The following SMARCA1 variants were observed in gnomAD, a reference collection of about 807,000 sequenced individuals.
The protein encoded by SMARCA1 is SWI/SNF-related matrix-associated actin-dependent regulator of chromatin subfamily A member 1.
In SMARCA1, 17 loss-of-function variants were observed where a neutral mutation model predicts 93.6. That is an observed-to-expected ratio of 0.18 (90% confidence interval 0.12 to 0.27). SMARCA1 has a LOEUF of 0.27. Ranked by LOEUF, SMARCA1 falls within the 10% of genes least tolerant of loss-of-function variation. The probability of loss-of-function intolerance (pLI) is 1.00; values close to 1 mark genes in which losing one functional copy is unlikely to be tolerated. For synonymous variants in SMARCA1, 271 were observed against 271.4 expected, an observed-to-expected ratio of 1.00 and a Z score of 0.01; for missense variants, 630 against 819.0, an observed-to-expected ratio of 0.77 and a Z score of 2.82.
At chrX:129,503,522 GA>G (rs1934644381) in intron 9 of SMARCA1, among the ~76,000 whole-genome samples, 1 of 111,894 alleles carries the variant, frequency 8.9e-6, no homozygotes, top group African/African-American at 3.2e-5. Context: ...GCTGGATACA[GA>G]AAAAAGTCAC....
intron 19 of SMARCA1, among the ~76,000 whole-genome samples, chrX:129,474,413 A>C (rs977895145): frequency 3.6e-5 from 4 of 111,571 alleles, no homozygotes; most frequent in African/African-American, 1.3e-4. Context: ...AATATTTTAT[A>C]AACATCCAAT....
intron 19 of SMARCA1, among the ~76,000 whole-genome samples, chrX:129,478,796 C>G (rs966003272): frequency 2.7e-5 from 3 of 111,798 alleles, no homozygotes; most frequent in African/African-American, 9.8e-5. Flanking sequence ...ACTTGACTAC[C>G]ACTTGGCCCA....
intron 9 of SMARCA1, among the ~76,000 whole-genome samples, chrX:129,500,997 T>G (rs1934536745): frequency 8.9e-6 from 1 of 112,521 alleles, no homozygotes; most frequent in Non-Finnish European, 1.9e-5. Flanking sequence ...AAGACAATAG[T>G]GCTACAATCT....
chrX:129,469,514 G>A (rs141838828), intron 20 of SMARCA1, among the ~76,000 whole-genome samples: 1,616 of 111,722 alleles, frequency 0.014, 38 homozygotes, highest in African/African-American at 0.049. Context: ...GGCATTATTA[G>A]CATGTCTGTG....
At position 129,515,704 on chromosome X, in the gene SMARCA1, T is replaced by C; in HGVS notation, c.613A>G (p.Ile205Val). The C allele has an allele frequency of 8.4e-7, 1 of 1,187,975 alleles. No homozygotes were observed. The part of the protein sequence containing the change: ...ISLYENGVNG[I>V]LADEMGLGKT... ...TTCCTTACCATTTCATCAGCCAAAA[T>C]GCCATTGACTCCATTTTCATATAAA... Residue 205 changes from isoleucine to valine, a missense_variant, in exon 5 of 25, where the codon ATT becomes GTT. Transcript: ENST00000371121.
chrX:129,506,704 AAAAAAAAAAAG>A (rs544672741), intron 7 of SMARCA1, among the ~76,000 whole-genome samples: 6,586 of 105,005 alleles, frequency 0.063, 284 homozygotes, highest in African/African-American at 0.14. Flanking sequence ...AAAAAAAAAA[AAAAAAAAAAAG>A]GAAGAAGAAT....
At chrX:129,480,850 T>C in intron 18 of SMARCA1, 36 bp from the exon 19 acceptor site, 2 of 845,368 alleles carry the variant, frequency 2.4e-6, no homozygotes, top group South Asian at 4.9e-5. Flanking sequence ...TATACTTCTT[T>C]TCAGTACATG....
intron 8 of SMARCA1, 65 bp from the exon 9 acceptor site, chrX:129,504,867 G>T: frequency 1.5e-6 from 1 of 681,389 alleles, no homozygotes; most frequent in Non-Finnish European, 2.3e-6. Flanking sequence ...ATATTCTGTA[G>T]ATTCTTATAC....
At chrX:129,456,399 C>CGTGTT (rs2124168960) in intron 23 of SMARCA1, among the ~76,000 whole-genome samples, 1 of 112,122 alleles carries the variant, frequency 8.9e-6, no homozygotes, top group East Asian at 2.8e-4. Context: ...CCTGTTAACA[C>CGTGTT]AACATTCATT....
In SMARCA1 at chrX:129,523,316, C is replaced by A; in HGVS notation, c.55G>T (p.Ala19Ser). The A allele has an allele frequency of 8.3e-7, 1 of 1,202,419 alleles. No homozygotes were observed. The highest frequency in any genetic ancestry group is 1.1e-6 in the Non-Finnish European group (1 of 892,253). ...AATVAAADAT[A>S]TIVVIEDEQP... ...TCGTCCTCTATGACCACGATAGTGG[C>A]GGTCGCATCCGCGGCTGCCACGGTG... Residue 19 changes from alanine (A) to serine (S), a missense_variant, in exon 1 of 25, where the codon GCC (alanine) becomes TCC (serine). Around this residue, in one of 4 missense-constraint regions of SMARCA1, gnomAD observed 103 missense variants for 82.0 expected, o/e 1.26. Transcript: ENST00000371121.
At position 129,465,978 on chromosome X, in the gene SMARCA1, A is replaced by ATTTCT. The variant is rs747565921; in HGVS notation, c.2699-21_2699-17dup. The ATTTCT allele has an allele frequency of 3.5e-6, 3 of 857,874 alleles. No individual in the cohort carries two copies. The South Asian group carries it at 7.7e-5, about 22-fold the overall frequency. 70.7% of individuals were successfully genotyped at this position (857,874 alleles called of 1,213,427 possible). On this transcript the variant is annotated splice_polypyrimidine_tract_variant and intron_variant, in intron 21 of 24. Coordinates refer to ENST00000371121, the MANE Select transcript of SMARCA1 (RefSeq NM_001282874.2). ...CAAAATACAGCTGAAAAACAGAGTT[A>ATTTCT]TTTCTTTAAAATCCTATCATTTAAG... is the stretch of plus-strand genomic sequence containing the variant.
rs1159033466 is a variant in SMARCA1, at chrX:129,447,028, T to C, written c.*134A>G. ...TTCAGGTAGAAAGCATTGTAAAATA[T>C]ATAAAATATGCAAGAAATCAAAACC... On this transcript the variant is annotated 3_prime_UTR_variant, in exon 25 of 25. Transcript: ENST00000371121. The C allele has an allele frequency of 2.0e-6, 1 of 488,001 alleles. No individual in the cohort carries two copies. Among genetic ancestry groups the C allele is most frequent in the Non-Finnish European group, 3.4e-6 (1 of 297,361 alleles). The allele number at this position is 488,001 out of a possible 1,213,427, so 40.2% of individuals were successfully genotyped here.
At position 129,521,572 on chromosome X, in the gene SMARCA1, T is replaced by C. The variant is rs777709728; in HGVS notation, c.174+1625A>G. Among the ~76,000 whole-genome samples the C allele has an allele frequency of 2.7e-4, 30 of 111,349 alleles. No homozygotes were observed. In the South Asian group the frequency reaches 0.011, roughly 41 times the overall value. On this transcript the variant is annotated intron_variant, in intron 1 of 24. Coordinates refer to ENST00000371121, the MANE Select transcript of SMARCA1 (RefSeq NM_001282874.2). Reference sequence around the variant, plus strand: ...TATAGCTTTTTTATTGGTCTCCCGTTTTTTCACAATACAAAATTTTATACA... The same window carrying C: ...TATAGCTTTTTTATTGGTCTCCCGTCTTTTCACAATACAAAATTTTATACA...
At chrX:129,464,961 T>G (rs766533860) in intron 23 of SMARCA1, among the ~76,000 whole-genome samples, 1 of 111,653 alleles carries the variant, frequency 9.0e-6, no homozygotes, top group Non-Finnish European at 1.9e-5. Flanking sequence ...CTTTAAAAAG[T>G]CATGATCACG....
intron 17 of SMARCA1, among the ~76,000 whole-genome samples, chrX:129,483,893 ATT>A (rs1933787764): frequency 8.9e-6 from 1 of 112,086 alleles, no homozygotes; most frequent in African/African-American, 3.2e-5. Flanking sequence ...TAAAAATGAT[ATT>A]CTTTCAAGTT....
At chrX:129,449,722 G>T (rs1932194860) in intron 23 of SMARCA1, among the ~76,000 whole-genome samples, 1 of 110,636 alleles carries the variant, frequency 9.0e-6, no homozygotes, top group Non-Finnish European at 1.9e-5. Context: ...AAAAATGCCT[G>T]CCAGAATAGC....
intron 5 of SMARCA1, 26 bp downstream of exon 5, chrX:129,515,661 T>A: frequency 1.0e-6 from 1 of 999,269 alleles, no homozygotes; most frequent in African/African-American, 1.9e-5. Context: ...TAACTGAGAA[T>A]GTGTTTTTAG....
intron 23 of SMARCA1, among the ~76,000 whole-genome samples, chrX:129,449,768 T>C (rs1932197021): frequency 9.1e-6 from 1 of 110,144 alleles, no homozygotes; most frequent in Admixed American, 9.7e-5. Flanking sequence ...TTACTGGCAA[T>C]TAAGAACAAC....
chrX:129,496,606 G>C, intron 12 of SMARCA1, 144 bp downstream of exon 12: 1 of 473,203 alleles, frequency 2.1e-6, no homozygotes, highest in Non-Finnish European at 3.5e-6. Flanking sequence ...CCACACTGAA[G>C]ATTGAAGAGA....
Sources: gnomAD v4.1 joint callset for allele counts (sites outside exome capture counted in the v4.1 genomes callset) on GRCh38, gnomAD v4.1.1 for gene constraint, gnomAD v4.1.1 regional missense constraint, MANE v1.5 for transcripts, NCBI Gene and HGNC (gene_info 2026-07-23, HGNC 2026-07-21) for gene names.